Variants in PLEKHA5 observed in about 807,000 individuals in gnomAD.
PLEKHA5 encodes the protein pleckstrin homology domain containing A5, also known as pleckstrin homology domain-containing family A member 5.
PLEKHA5 carries 55 observed loss-of-function variants against 181.9 expected under a neutral mutation model. The ratio of observed to expected loss-of-function variants is 0.30; its 90% confidence interval spans 0.24 to 0.38. The LOEUF (loss-of-function observed/expected upper bound fraction) is 0.38. Among genes scored for constraint, PLEKHA5 ranks in the 10% least tolerant of loss-of-function variants. The pLI is 1.00. For synonymous variants in PLEKHA5, 535 were observed against 529.4 expected (o/e 1.01, Z -0.15); for missense variants, 1,432 against 1,549.5 (o/e 0.92, Z 1.27).
At chr12:19,311,929 A>G (rs1338957402) in intron 15 of PLEKHA5, among the ~76,000 whole-genome samples, 7 of 152,200 alleles carry the variant, frequency 4.6e-5, no homozygotes, top group African/African-American at 1.4e-4. Context: ...CTAGAGCCTT[A>G]TGAAATGCAT....
At chr12:19,231,474 C>T (rs2060529099) in intron 3 of PLEKHA5, among the ~76,000 whole-genome samples, 1 of 105,362 alleles carries the variant, frequency 9.5e-6, no homozygotes, top group Non-Finnish European at 2.3e-5. Context: ...GTATATTCAT[C>T]CAAAAGGTTA....
intron 3 of PLEKHA5, among the ~76,000 whole-genome samples, chr12:19,187,022 A>G (rs978375716): frequency 4.6e-5 from 7 of 152,096 alleles, no homozygotes; most frequent in Non-Finnish European, 2.9e-5. Flanking sequence ...ACCTGCATTT[A>G]TTGGTTCACT....
At chr12:19,290,886 TGA>T in intron 14 of PLEKHA5, 90 bp downstream of exon 14, 1 of 1,175,468 alleles carries the variant, frequency 8.5e-7, no homozygotes, top group Non-Finnish European at 1.2e-6. Context: ...TCATTAGTGT[TGA>T]GCATGAGCCC....
intron 15 of PLEKHA5, among the ~76,000 whole-genome samples, chr12:19,298,725 T>C (rs1200849996): frequency 6.6e-6 from 1 of 151,992 alleles, no homozygotes; most frequent in Non-Finnish European, 1.5e-5. Flanking sequence ...AGCAAAAAAA[T>C]AAAATAATTT....
chr12:19,361,529 A>G (rs2095244502), intron 28 of PLEKHA5, 53 bp from the exon 29 acceptor site: 1 of 922,256 alleles, frequency 1.1e-6, no homozygotes. Flanking sequence ...AGATATGCTA[A>G]TCTAATGTGA....
intron 20 of PLEKHA5, among the ~76,000 whole-genome samples, chr12:19,326,241 C>T (rs2092062324): frequency 1.3e-5 from 2 of 152,040 alleles, no homozygotes; most frequent in Non-Finnish European, 2.9e-5. Context: ...TTTATGTAAA[C>T]TTATTTATAT....
intron 16 of PLEKHA5, among the ~76,000 whole-genome samples, chr12:19,317,747 C>T (rs1390350644): frequency 1.3e-5 from 2 of 151,506 alleles, no homozygotes; most frequent in Non-Finnish European, 2.9e-5. Flanking sequence ...ATGGTTCCGA[C>T]ATCCTAAATA....
At chr12:19,289,821 T>G (rs1217582910) in intron 13 of PLEKHA5, among the ~76,000 whole-genome samples, 5 of 152,094 alleles carry the variant, frequency 3.3e-5, no homozygotes, top group Admixed American at 2.0e-4. Flanking sequence ...AAATGCTATA[T>G]GAAAGCACTA....
chr12:19,242,256 T>A (rs1220693870), intron 3 of PLEKHA5, among the ~76,000 whole-genome samples: 1 of 152,054 alleles, frequency 6.6e-6, no homozygotes, highest in Non-Finnish European at 1.5e-5. Flanking sequence ...TTTTTTGTTT[T>A]GAGACAGAGT....
intron 3 of PLEKHA5, among the ~76,000 whole-genome samples, chr12:19,253,331 C>T (rs1024167344): frequency 1.3e-5 from 2 of 151,030 alleles, no homozygotes; most frequent in Non-Finnish European, 3.0e-5. Flanking sequence ...TTCCTTGGCG[C>T]TCCAAAATGC....
At chr12:19,228,076 G>A (rs974146882) in intron 3 of PLEKHA5, among the ~76,000 whole-genome samples, 17 of 152,178 alleles carry the variant, frequency 1.1e-4, no homozygotes, top group Admixed American at 1.1e-3. Flanking sequence ...ATCACAGTAA[G>A]TGAAACTACT....
intron 28 of PLEKHA5, 148 bp from the exon 29 acceptor site, chr12:19,361,434 C>T (rs1055374972): frequency 3.7e-6 from 2 of 536,440 alleles, no homozygotes. Context: ...CCGCCCTTCT[C>T]GGCCTCCCAA....
At chr12:19,175,005 A>G (rs1053785155) in intron 3 of PLEKHA5, among the ~76,000 whole-genome samples, 1 of 152,242 alleles carries the variant, frequency 6.6e-6, no homozygotes, top group Non-Finnish European at 1.5e-5. Context: ...GATCAAGCTA[A>G]TAAGAAATGT....
chr12:19,200,342 T>C, intron 3 of PLEKHA5: 1 of 1,530,264 alleles, frequency 6.5e-7, no homozygotes, highest in Non-Finnish European at 8.8e-7. Context: ...GATTTCCTTT[T>C]CATTCTTCCT....
chr12:19,154,472 C>G (rs2041211372), intron 3 of PLEKHA5: 1 of 152,072 alleles, frequency 6.6e-6, no homozygotes, highest in Non-Finnish European at 1.5e-5. Flanking sequence ...ATCAATTTTC[C>G]TCTCAATCTT....
chr12:19,352,926 G>A (rs577326580), intron 25 of PLEKHA5, among the ~76,000 whole-genome samples: 2 of 149,572 alleles, frequency 1.3e-5, no homozygotes, highest in East Asian at 2.0e-4. Flanking sequence ...GGGACTATAG[G>A]TGTACACCAC....
At chr12:19,306,037 C>A (rs562852753) in intron 15 of PLEKHA5, among the ~76,000 whole-genome samples, 1 of 151,666 alleles carries the variant, frequency 6.6e-6, no homozygotes, top group South Asian at 2.1e-4. Flanking sequence ...CTGAGATCGC[C>A]CCATTGTACT....
chr12:19,195,324 GTTAA>G (rs2052389324), intron 3 of PLEKHA5, among the ~76,000 whole-genome samples: 1 of 149,520 alleles, frequency 6.7e-6, no homozygotes, highest in Admixed American at 6.7e-5. Context: ...CTTTTTAATT[GTTAA>G]TTACATAACT....
intron 9 of PLEKHA5, 55 bp downstream of exon 9, chr12:19,269,940 C>T: frequency 1.1e-6 from 1 of 938,434 alleles, no homozygotes; most frequent in Non-Finnish European, 1.7e-6. Flanking sequence ...TATTCCATGC[C>T]TTGCAAGTAT....
Sources: gnomAD v4.1 joint callset for allele counts (sites outside exome capture counted in the v4.1 genomes callset) on GRCh38, gnomAD v4.1.1 for gene constraint, MANE v1.5 for transcripts, NCBI Gene and HGNC (gene_info 2026-07-23, HGNC 2026-07-21) for gene names.